Variants in AHSA1 observed in about 807,000 individuals in gnomAD.
AHSA1 encodes the protein activator of 90 kDa heat shock protein ATPase homolog 1.
A neutral mutation model predicts 46.1 loss-of-function variants in AHSA1; 14 were observed. The ratio of observed to expected loss-of-function variants is 0.30; its 90% CI spans 0.20 to 0.47. The LOEUF (loss-of-function observed/expected upper bound fraction) is 0.47. AHSA1 is among the 20% of genes least tolerant of loss of function. The probability of loss-of-function intolerance (pLI) is 0.99; values close to 1 mark genes in which losing one functional copy is unlikely to be tolerated. For synonymous variants in AHSA1, 147 were observed against 145.8 expected (o/e 1.01, Z -0.06); for missense variants, 333 against 415.9 (o/e 0.80, Z 1.73).
intron 6 of AHSA1, among the ~76,000 whole-genome samples, chr14:77,466,874 T>C (rs2079049839): frequency 6.6e-6 from 1 of 152,252 alleles, no homozygotes; most frequent in African/African-American, 2.4e-5. Context: ...TGAATTGAAT[T>C]TAGCACTTCA....
In AHSA1 at chr14:77,468,306, G is replaced by C. The variant is rs547711588; in HGVS notation, c.792+122G>C. On this transcript the variant is annotated intron_variant, in intron 7 of 8. Transcript: ENST00000216479. ...AATCTCTTTGTTAATAAAACATTTTGTTTTTCAAAAAAAGGCTGTGATTTG... is the reference window on the plus strand; with the variant it reads ...AATCTCTTTGTTAATAAAACATTTTCTTTTTCAAAAAAAGGCTGTGATTTG... 224 of 1,132,796 alleles carry C rather than the reference G, an allele frequency of 2.0e-4. No homozygotes were observed. The African/African-American group carries it at 3.4e-3, about 17-fold the overall frequency. 70.2% of individuals were successfully genotyped at this position (1,132,796 alleles called of 1,614,324 possible). A position where few individuals can be genotyped will look rare whatever the true frequency, so the allele number is the denominator to read the frequency against.
In AHSA1 at chr14:77,462,758, A is replaced by G; in HGVS notation, c.471A>G (p.Thr157=). 1 of 1,613,200 alleles carries G rather than the reference A, an allele frequency of 6.2e-7. No homozygotes were observed. The highest frequency in any genetic ancestry group is 8.5e-7 in the Non-Finnish European group (1 of 1,179,230). The change falls in exon 4 of 9, where the codon ACA becomes ACG. Residue 157 remains threonine, a splice_region_variant and synonymous_variant. Transcript: ENST00000216479. ...AMGIYISTLK[T]EFTQGMILPT... ...GAATTTACATCAGCACCCTCAAAAC[A>G]GGTATCCCTTGAGTAGTTCTGTATG... is the stretch of plus-strand genomic sequence containing the variant.
chr14:77,459,934 C>A, intron 2 of AHSA1, 128 bp downstream of exon 2: 1 of 1,003,756 alleles, frequency 1.0e-6, no homozygotes, highest in East Asian at 2.5e-5. Context: ...CTTTGGAGTC[C>A]TATGTAAAGC....
intron 6 of AHSA1, among the ~76,000 whole-genome samples, chr14:77,467,066 G>A (rs1000438011): frequency 5.9e-5 from 9 of 152,194 alleles, no homozygotes; most frequent in Admixed American, 3.3e-4. Flanking sequence ...AAGCGGCACC[G>A]TTGGGTAATC....
intron 4 of AHSA1, 121 bp from the exon 5 acceptor site, chr14:77,464,476 CT>C: frequency 4.9e-6 from 4 of 821,888 alleles, no homozygotes; most frequent in Non-Finnish European, 7.7e-6. Context: ...AAAATAGCCT[CT>C]TCCTTTTCTG....
chr14:77,458,195 C>G lies in AHSA1; in HGVS notation c.6C>G (p.Ala2=). 6.5e-7 allele frequency: 1 copy of G among 1,534,390 alleles called. No homozygotes were observed. Among genetic ancestry groups the G allele is most frequent in the African/African-American group, 1.4e-5 (1 of 71,842 alleles). The change falls in exon 1 of 9, where the codon GCC becomes GCG. Residue 2 remains alanine (A), a synonymous_variant. Coordinates refer to ENST00000216479, the MANE Select transcript of AHSA1 (RefSeq NM_012111.3). ...GCGCCGCGATAGGAGAGCCGATGGC[C>G]AAGTGGGGTGAGGGAGACCCACGCT... M[A]KWGEGDPRWI...
intron 2 of AHSA1, among the ~76,000 whole-genome samples, chr14:77,460,488 A>G (rs150942330): frequency 6.6e-6 from 1 of 151,188 alleles, no homozygotes. Context: ...CTATCTGTCC[A>G]TGATTTTTGT....
chr14:77,458,169 G>A lies in AHSA1; in HGVS notation c.-21G>A, dbSNP rs2078995176. 1 of 1,515,352 alleles carries A rather than the reference G, an allele frequency of 6.6e-7. No homozygotes were observed. Among genetic ancestry groups the A allele is most frequent in the Non-Finnish European group, 8.8e-7 (1 of 1,133,858 alleles). 93.9% of individuals were successfully genotyped at this position (1,515,352 alleles called of 1,614,324 possible). A position where few individuals can be genotyped will look rare whatever the true frequency, so the allele number is the denominator to read the frequency against. ...TGGCTACGGCTGCTCCGGAGCTGGT[G>A]GCGCCGCGATAGGAGAGCCGATGGC... On this transcript the variant is annotated 5_prime_UTR_variant, in exon 1 of 9. Coordinates refer to ENST00000216479, the MANE Select transcript of AHSA1 (RefSeq NM_012111.3).
At chr14:77,461,498 C>A (rs1316788833) in intron 2 of AHSA1, among the ~76,000 whole-genome samples, 1 of 152,144 alleles carries the variant, frequency 6.6e-6, no homozygotes, top group African/African-American at 2.4e-5. Flanking sequence ...CCACTGCAAT[C>A]CAGCCTGAGC....
At chr14:77,460,251 A>G (rs866463085) in intron 2 of AHSA1, 12 of 207,068 alleles carry the variant, frequency 5.8e-5, no homozygotes, top group African/African-American at 1.6e-4. Flanking sequence ...TGTTTTATCT[A>G]TCTTCTAGTT....
intron 6 of AHSA1, 32 bp from the exon 7 acceptor site, chr14:77,468,051 C>T (rs10638935): frequency 0.39 from 263,695 of 672,064 alleles, 57,157 homozygotes; most frequent in East Asian, 0.62. Context: ...TCTTCTGCCT[C>T]TTTTTTTTTT....
intron 4 of AHSA1, 141 bp from the exon 5 acceptor site, chr14:77,464,456 TA>T: frequency 1.4e-6 from 1 of 694,512 alleles, no homozygotes; most frequent in Non-Finnish European, 2.4e-6. Context: ...AGGCCAAAAG[TA>T]AAGATGTAAA....
In AHSA1 at chr14:77,459,791, A is replaced by G. The variant is rs2042180335; in HGVS notation, c.256A>G (p.Lys86Glu). The change falls in exon 2 of 9, where the codon AAA (lysine) becomes GAA (glutamate). Residue 86 changes from lysine to glutamate, a missense_variant. Coordinates refer to ENST00000216479, the MANE Select transcript of AHSA1 (RefSeq NM_012111.3). ...KLIFFYEWSV[K>E]LNWTGTSKSG... ...TATCTTCTTTTATGAATGGAGCGTCAAACTAAACTGGACAGGTAAGTCTAA... is the reference window on the plus strand; with the variant it reads ...TATCTTCTTTTATGAATGGAGCGTCGAACTAAACTGGACAGGTAAGTCTAA... The G allele has an allele frequency of 1.9e-6, 3 of 1,614,122 alleles. No homozygotes were observed. Among genetic ancestry groups the G allele is most frequent in the East Asian group, 2.2e-5 (1 of 44,902 alleles).
chr14:77,467,422 G>A (rs367629783), intron 6 of AHSA1, among the ~76,000 whole-genome samples: 1 of 150,658 alleles, frequency 6.6e-6, no homozygotes, highest in Non-Finnish European at 1.5e-5. Context: ...GGCTGGGCGC[G>A]GTGGCTCACG....
intron 6 of AHSA1, 87 bp from the exon 7 acceptor site, chr14:77,467,996 G>A: frequency 2.2e-6 from 2 of 928,114 alleles, no homozygotes. Flanking sequence ...GAGGCATGCA[G>A]CCTTCAGCTG....
In AHSA1 at chr14:77,462,212, G is replaced by C; in HGVS notation, c.324G>C (p.Leu108Phe). The C allele has an allele frequency of 6.2e-7, 1 of 1,613,858 alleles. No individual in the cohort carries two copies. The highest frequency in any genetic ancestry group is 8.5e-7 in the Non-Finnish European group (1 of 1,179,748). ...QYKGHVEIPNLSDENSVDEVE... is the reference protein window; with the variant it reads ...QYKGHVEIPNFSDENSVDEVE... ...AAGGACATGTGGAGATCCCCAATTT[G>C]TCTGATGAAAACAGCGTGGATGAAG... Residue 108 changes from leucine to phenylalanine, a missense_variant, in exon 3 of 9, where the codon TTG (leucine) becomes TTC (phenylalanine). By Grantham distance (22) the Leu-to-Phe change is conservative (BLOSUM62 0). Coordinates refer to ENST00000216479, the MANE Select transcript of AHSA1 (RefSeq NM_012111.3).
At chr14:77,461,362 C>G (rs991468168) in intron 2 of AHSA1, among the ~76,000 whole-genome samples, 6 of 152,072 alleles carry the variant, frequency 3.9e-5, no homozygotes, top group Non-Finnish European at 2.9e-5. Flanking sequence ...AACCCCATCT[C>G]TACTAAAAAA....
intron 8 of AHSA1, chr14:77,468,874 G>A (rs752161338): frequency 1.2e-4 from 79 of 638,936 alleles, no homozygotes; most frequent in Non-Finnish European, 1.8e-4. Context: ...ATGCCACCAC[G>A]CCCACGTAAT....
chr14:77,468,873 C>T (rs764747645), intron 8 of AHSA1: 4 of 640,656 alleles, frequency 6.2e-6, no homozygotes, highest in Non-Finnish European at 1.1e-5. Flanking sequence ...CATGCCACCA[C>T]GCCCACGTAA....
Sources: allele counts gnomAD v4.1 joint callset (sites outside exome capture counted in the v4.1 genomes callset), GRCh38; gene constraint gnomAD v4.1.1; transcripts MANE v1.5; gene names NCBI Gene and HGNC (gene_info 2026-07-23, HGNC 2026-07-21).